COL4A1: variants seen among roughly 807,000 people sequenced by gnomAD.
COL4A1 encodes the protein collagen alpha-1(IV) chain.
Under a neutral mutation model 216.6 loss-of-function variants are expected in COL4A1, and 40 were observed. The observed-to-expected ratio is 0.18, with a 90% CI of 0.14 to 0.24. COL4A1 has a LOEUF of 0.24. Ranked by LOEUF, COL4A1 falls within the 10% of genes least tolerant of loss-of-function variation. The pLI, the probability that COL4A1 is intolerant of heterozygous loss-of-function variation, is 1.00. For missense variants in COL4A1, 1,628 were observed against 2,196.8 expected (o/e 0.74, Z 5.18); for synonymous variants, 839 against 810.7 (o/e 1.03, Z -0.59).
intron 45 of COL4A1, among the ~76,000 whole-genome samples, chr13:110,165,947 G>A (rs1232236172): frequency 6.6e-6 from 1 of 152,072 alleles, no homozygotes. Context: ...TGAGAGCCTT[G>A]GGAAGTTTCT....
intron 21 of COL4A1, 32 bp downstream of exon 21, chr13:110,198,435 C>T (rs147207534): frequency 1.2e-6 from 2 of 1,612,466 alleles, no homozygotes; most frequent in Non-Finnish European, 1.7e-6. Flanking sequence ...TCTGCTTGCA[C>T]CCCACATTAA....
intron 2 of COL4A1, among the ~76,000 whole-genome samples, chr13:110,233,064 A>G (rs1337591288): frequency 6.6e-6 from 1 of 152,238 alleles, no homozygotes; most frequent in Non-Finnish European, 1.5e-5. Flanking sequence ...CCTCGTGTGC[A>G]GAATAAAATA....
At chr13:110,165,433 C>T (rs868416137) in intron 45 of COL4A1, among the ~76,000 whole-genome samples, 21 of 152,250 alleles carry the variant, frequency 1.4e-4, no homozygotes, top group South Asian at 4.1e-4. Flanking sequence ...CTTTGAGTGA[C>T]GAATGAACTT....
In COL4A1 at chr13:110,165,294, A is replaced by G. The variant is rs56281756; in HGVS notation, c.4022-304T>C. Among the ~76,000 whole-genome samples the G allele has an allele frequency of 0.54, 82,310 of 151,928 alleles. 22,575 individuals carry two copies. The highest frequency in any genetic ancestry group is 0.57 in the African/African-American group (23,575 of 41,414). ...GCAGCCTCATGCCAGCCCTCCCAGC[A>G]GGGAGAGAAGCTTGTTCTTCCCAAG... is the stretch of plus-strand genomic sequence containing the variant. On this transcript the variant is annotated intron_variant, in intron 45 of 51. Coordinates refer to ENST00000375820, the MANE Select transcript of COL4A1 (RefSeq NM_001845.6).
rs1878404999 is a variant in COL4A1, at chr13:110,186,392, G to A, written c.1890C>T (p.Gly630=). 6.2e-7 allele frequency: 1 copy of A among 1,613,204 alleles called. No individual in the cohort carries two copies. Among genetic ancestry groups the A allele is most frequent in the African/African-American group, 1.3e-5 (1 of 75,040 alleles). ...AGFPGGPGSP[G]LPGPKGEPGK... is the part of the protein sequence containing the mutation. The stretch of plus-strand genomic sequence containing the variant: ...GAGTTTCTCAGGCCTCACCTGGCAG[G>A]CCTGGGGATCCAGGGCCTCCAGGAA... The change falls in exon 26 of 52, where the codon GGC becomes GGT. Residue 630 remains glycine, a synonymous_variant. Coordinates refer to ENST00000375820, the MANE Select transcript of COL4A1 (RefSeq NM_001845.6).
At chr13:110,225,323 C>T (rs966748579) in intron 2 of COL4A1, among the ~76,000 whole-genome samples, 17 of 152,342 alleles carry the variant, frequency 1.1e-4, no homozygotes, top group African/African-American at 3.4e-4. Flanking sequence ...GTGGCTCACG[C>T]CTATAATCCC....
chr13:110,152,430 G>A lies in COL4A1; in HGVS notation c.4832C>T (p.Ala1611Val), dbSNP rs775233741. ...ACGGCCGTGACACTCGATGAATGGC[G>A]CACTTCTAAACTCCTCCAGGCAGGA... ...PGSCLEEFRS[A>V]PFIECHGRGT... The change falls in exon 51 of 52, where the codon GCG becomes GTG. Residue 1611 changes from alanine (A) to valine (V), a missense_variant. This residue lies in a region of COL4A1 where 254 missense variants were observed against 300.1 expected (regional missense o/e 0.85). Coordinates refer to ENST00000375820, the MANE Select transcript of COL4A1 (RefSeq NM_001845.6). 8 of 1,614,120 alleles carry A rather than the reference G, an allele frequency of 5.0e-6. No individual in the cohort carries two copies. The highest frequency in any genetic ancestry group is 4.5e-5 in the East Asian group (2 of 44,876).
At chr13:110,284,001 A>G (rs1883742103) in intron 1 of COL4A1, among the ~76,000 whole-genome samples, 1 of 152,020 alleles carries the variant, frequency 6.6e-6, no homozygotes, top group Non-Finnish European at 1.5e-5. Context: ...CTGTCCGGTG[A>G]TGGCCACAGG....
At chr13:110,219,690 G>GTATATATATATGTA (rs1555307881) in intron 2 of COL4A1, among the ~76,000 whole-genome samples, 1 of 135,090 alleles carries the variant, frequency 7.4e-6, no homozygotes, top group South Asian at 2.2e-4. Flanking sequence ...GTATATATAT[G>GTATATATATATGTA]TATATATATG....
chr13:110,175,490 T>G, intron 36 of COL4A1, 133 bp from the exon 37 acceptor site: 1 of 1,469,440 alleles, frequency 6.8e-7, no homozygotes, highest in South Asian at 1.2e-5. Flanking sequence ...AAGATTGAGA[T>G]ACAAGAATGC....
intron 1 of COL4A1, among the ~76,000 whole-genome samples, chr13:110,296,133 T>C (rs1393659273): frequency 6.6e-6 from 1 of 152,270 alleles, no homozygotes; most frequent in African/African-American, 2.4e-5. Context: ...GACAGTCTCC[T>C]CTCTGAGTGG....
At chr13:110,302,508 ACT>A (rs1456154082) in intron 1 of COL4A1, among the ~76,000 whole-genome samples, 2 of 152,118 alleles carry the variant, frequency 1.3e-5, no homozygotes, top group Non-Finnish European at 2.9e-5. Flanking sequence ...GCTCACCCAC[ACT>A]GAGGGGCATG....
At chr13:110,222,070 G>T (rs1880508344) in intron 2 of COL4A1, among the ~76,000 whole-genome samples, 1 of 152,154 alleles carries the variant, frequency 6.6e-6, no homozygotes, top group Non-Finnish European at 1.5e-5. Flanking sequence ...CCTGGTCGGG[G>T]CGTCCGTAGA....
intron 2 of COL4A1, among the ~76,000 whole-genome samples, chr13:110,228,503 G>A (rs748693512): frequency 7.9e-5 from 12 of 152,086 alleles, no homozygotes; most frequent in African/African-American, 2.2e-4. Flanking sequence ...AAGGGAACAC[G>A]TGACCCAGAA....
At chr13:110,262,113 A>T (rs1882852107) in intron 1 of COL4A1, among the ~76,000 whole-genome samples, 1 of 152,174 alleles carries the variant, frequency 6.6e-6, no homozygotes, top group Admixed American at 6.5e-5. Context: ...TGGAAAGAGG[A>T]CCAGTGTTTT....
chr13:110,211,219 G>A lies in COL4A1; in HGVS notation c.468+428C>T, dbSNP rs374033518. Among the ~76,000 whole-genome samples, 1 of 152,170 alleles carries A rather than the reference G, an allele frequency of 6.6e-6. No homozygotes were observed. Among genetic ancestry groups the A allele is most frequent in the Admixed American group, 6.5e-5 (1 of 15,284 alleles). On this transcript the variant is annotated intron_variant, in intron 8 of 51. Transcript: ENST00000375820. This position sits in a 1 kb window ranked among gnomAD's most constrained non-coding sequence, Gnocchi z 4.3. ...GGTCCCCGCCCTGTGCCCAAGCACAGCCGACACATTACATGACTGCACAGT... is the reference window on the plus strand; with the variant it reads ...GGTCCCCGCCCTGTGCCCAAGCACAACCGACACATTACATGACTGCACAGT...
chr13:110,227,383 G>A (rs1880781075), intron 2 of COL4A1, among the ~76,000 whole-genome samples: 2 of 130,056 alleles, frequency 1.5e-5, no homozygotes, highest in Admixed American at 8.1e-5. Flanking sequence ...GTATGGGTAC[G>A]GTAGACACAC....
intron 2 of COL4A1, among the ~76,000 whole-genome samples, chr13:110,215,445 CAGTT>C (rs1340768952): frequency 2.6e-5 from 4 of 151,678 alleles, no homozygotes; most frequent in Non-Finnish European, 5.9e-5. Context: ...CCTGTAATCT[CAGTT>C]ACTCAGGAGG....
In COL4A1 at chr13:110,211,233, T is replaced by C. The variant is rs1879780910; in HGVS notation, c.468+414A>G. On this transcript the variant is annotated intron_variant, in intron 8 of 51. Transcript: ENST00000375820. The surrounding 1 kb of genome is among the most constrained non-coding windows in gnomAD (Gnocchi z 4.3). ...GCCCAAGCACAGCCGACACATTACATGACTGCACAGTCTGAGGTCGGGCTG... is the reference window on the plus strand; with the variant it reads ...GCCCAAGCACAGCCGACACATTACACGACTGCACAGTCTGAGGTCGGGCTG... 3.9e-5 allele frequency among the ~76,000 whole-genome samples: 6 copies of C among 152,152 alleles called. No individual in the cohort carries two copies.
Sources: gnomAD v4.1 joint callset for allele counts (sites outside exome capture counted in the v4.1 genomes callset) on GRCh38, gnomAD v4.1.1 for gene constraint, gnomAD v4.1.1 regional missense constraint, Gnocchi (gnomAD v3.1) non-coding constraint, MANE v1.5 for transcripts, NCBI Gene and HGNC (gene_info 2026-07-23, HGNC 2026-07-21) for gene names.